The following STK26 variants were observed in gnomAD, a reference collection of about 807,000 sequenced individuals.
STK26 encodes serine/threonine kinase 26.
STK26 carries 14 observed loss-of-function variants against 34.7 expected under a neutral mutation model. That is an observed-to-expected ratio of 0.40 (90% CI 0.27 to 0.63). STK26 has a LOEUF of 0.63. Ranked by LOEUF, STK26 falls within the 30% of genes least tolerant of loss-of-function variation. The pLI is 0.38. For synonymous variants in STK26, 100 were observed against 109.8 expected (o/e 0.91, Z 0.56); for missense variants, 226 against 309.1 (o/e 0.73, Z 2.02).
At chrX:132,025,515 G>T (rs1935080300) in intron 2 of STK26, among the ~76,000 whole-genome samples, 2 of 111,529 alleles carry the variant, frequency 1.8e-5, no homozygotes, top group African/African-American at 6.5e-5. Context: ...AATTAATGTG[G>T]ATTCGAATGT....
chrX:132,036,324 G>A (rs748855122), intron 2 of STK26, among the ~76,000 whole-genome samples: 7 of 112,596 alleles, frequency 6.2e-5, no homozygotes, highest in Admixed American at 1.9e-4. Context: ...GCTGGGCTCC[G>A]TGGCTCACGC....
At chrX:132,049,295 C>T (rs1195465068) in intron 2 of STK26, among the ~76,000 whole-genome samples, 1 of 111,929 alleles carries the variant, frequency 8.9e-6, no homozygotes, top group East Asian at 2.8e-4. Context: ...GCCTAAATCT[C>T]CTTTTTTTTA....
intron 2 of STK26, among the ~76,000 whole-genome samples, chrX:132,034,181 G>GAC (rs2124133934): frequency 9.7e-6 from 1 of 103,312 alleles, no homozygotes; most frequent in East Asian, 3.0e-4. Context: ...GGCCCAAGGG[G>GAC]ACACACACAG....
chrX:132,069,327 A>G (rs1927321828), intron 6 of STK26, 151 bp from the exon 7 acceptor site: 1 of 138,057 alleles, frequency 7.2e-6, no homozygotes, highest in South Asian at 4.2e-4. Flanking sequence ...TTGAGAGACA[A>G]GTACTGTATA....
intron 2 of STK26, among the ~76,000 whole-genome samples, chrX:132,026,036 A>G (rs754428385): frequency 5.6e-4 from 63 of 111,876 alleles, no homozygotes; most frequent in Admixed American, 1.3e-3. Context: ...ACCAGCCTAT[A>G]ACTTTTTAAC....
In STK26 at chrX:132,069,436, T is replaced by C. The variant is rs1602779552; in HGVS notation, c.598-42T>C. 2.8e-5 allele frequency: 4 copies of C among 144,843 alleles called. 2 individuals carry two copies. The highest frequency in any genetic ancestry group is 5.1e-5 in the Non-Finnish European group (4 of 79,126). The allele number at this position is 144,843 out of a possible 1,213,427, so 11.9% of individuals were successfully genotyped here. On this transcript the variant is annotated intron_variant, in intron 6 of 11. Transcript: ENST00000394334. ...ATATATATATATATATATATATATA[T>C]ATATATATATATATATTATTTTCTT...
Position 132,073,011 on chromosome X carries a change from G to A in STK26, c.1144G>A (p.Glu382Lys), listed in dbSNP as rs1469596591. 4 of 1,210,833 alleles carry A rather than the reference G, an allele frequency of 3.3e-6. No homozygotes were observed. The Admixed American group carries it at 6.5e-5, about 20-fold the overall frequency. The change falls in exon 11 of 12, where the codon GAG (glutamate) becomes AAG (lysine). Residue 382 changes from glutamate (E) to lysine (K), a missense_variant. By Grantham distance (56) the Glu-to-Lys change is moderately conservative. Around this residue, in one of 2 missense-constraint regions of STK26, gnomAD observed 126 missense variants for 132.4 expected, o/e 0.95. Transcript: ENST00000394334. The part of the protein sequence containing the change: ...ASRNQAIEEL[E>K]KSIAVAEAAC... ...CAGGAATCAGGCGATTGAAGAACTC[G>A]AGAAAAGTATTGCTGTGGCTGAAGC...
intron 2 of STK26, among the ~76,000 whole-genome samples, chrX:132,031,844 T>C (rs955956898): frequency 3.7e-4 from 41 of 111,903 alleles, no homozygotes; most frequent in African/African-American, 1.3e-3. Flanking sequence ...TCCTATAACA[T>C]AGAGTGATTC....
At chrX:132,044,798 G>GAGATCTATATATATATTTATATATATAT (rs1926431023) in intron 2 of STK26, among the ~76,000 whole-genome samples, 1 of 32,506 alleles carries the variant, frequency 3.1e-5, no homozygotes, top group Non-Finnish European at 5.6e-5. Flanking sequence ...TATATATATA[G>GAGATCTATATATATATTTATATATATAT]AGAGAGATCT....
chrX:132,044,188 A>G (rs1310044122), intron 2 of STK26, among the ~76,000 whole-genome samples: 1 of 111,549 alleles, frequency 9.0e-6, no homozygotes, highest in Non-Finnish European at 1.9e-5. Context: ...TACTGTGAGG[A>G]TAGCTGGCAC....
At chrX:132,069,689 A>G in intron 7 of STK26, 26 bp downstream of exon 7, 1 of 975,159 alleles carries the variant, frequency 1.0e-6, no homozygotes, top group Non-Finnish European at 1.3e-6. Flanking sequence ...TATTATTACT[A>G]TTTGTTTTCT....
intron 3 of STK26, among the ~76,000 whole-genome samples, chrX:132,059,903 A>G (rs1217420666): frequency 3.6e-5 from 4 of 112,106 alleles, no homozygotes; most frequent in South Asian, 3.7e-4. Flanking sequence ...TGTATGCTCA[A>G]TGCCTCTGGA....
intron 6 of STK26, among the ~76,000 whole-genome samples, chrX:132,069,057 C>G (rs183157114): frequency 9.1e-6 from 1 of 110,140 alleles, no homozygotes; most frequent in African/African-American, 3.3e-5. Context: ...TTGCAACACC[C>G]TTCCCCCCAT....
intron 4 of STK26, among the ~76,000 whole-genome samples, chrX:132,064,951 A>G (rs1038610562): frequency 8.9e-6 from 1 of 111,918 alleles, no homozygotes; most frequent in Non-Finnish European, 1.9e-5. Flanking sequence ...AAATGACTAT[A>G]AGAGATTTTC....
At chrX:132,039,569 G>A (rs193266982) in intron 2 of STK26, among the ~76,000 whole-genome samples, 6 of 111,482 alleles carry the variant, frequency 5.4e-5, no homozygotes, top group African/African-American at 9.8e-5. Context: ...CAGCATACAC[G>A]CAACATTTTA....
At position 132,072,418 on chromosome X, in the gene STK26, A is replaced by G. The variant is rs1927445192; in HGVS notation, c.1026+57A>G. ...ATACAGTTTTTCAAACCATGTAGTG[A>G]GATGATAATGGCCTAAAATTGTTAG... is the stretch of plus-strand genomic sequence containing the variant. On this transcript the variant is annotated intron_variant, in intron 9 of 11. Transcript: ENST00000394334. 7 of 1,005,472 alleles carry G rather than the reference A, an allele frequency of 7.0e-6. No individual in the cohort carries two copies. In the East Asian group the frequency reaches 2.2e-4, roughly 32 times the overall value. 82.9% of individuals were successfully genotyped at this position (1,005,472 alleles called of 1,213,427 possible). A position where few individuals can be genotyped will look rare whatever the true frequency, so the allele number is the denominator to read the frequency against.
At chrX:132,064,332 C>A (rs1196934927) in intron 4 of STK26, among the ~76,000 whole-genome samples, 1 of 111,770 alleles carries the variant, frequency 8.9e-6, no homozygotes, top group Non-Finnish European at 1.9e-5. Context: ...TGGGTTGTCA[C>A]AATGACTTAG....
Position 132,068,201 on chromosome X carries a change from T to A in STK26, c.331-14T>A. 1 of 1,167,826 alleles carries A rather than the reference T, an allele frequency of 8.6e-7. No homozygotes were observed. Among genetic ancestry groups the A allele is most frequent in the African/African-American group, 1.8e-5 (1 of 55,614 alleles). ...ACACATATGTGTATGTGTGTGTGTG[T>A]TTTTCCCCTTAAGCTTCGAGCTGGT... is the stretch of plus-strand genomic sequence containing the variant. On this transcript the variant is annotated splice_polypyrimidine_tract_variant and intron_variant, in intron 4 of 11. Coordinates refer to ENST00000394334, the MANE Select transcript of STK26 (RefSeq NM_016542.4).
Position 132,072,832 on chromosome X carries a change from C to A in STK26, c.1046C>A (p.Thr349Asn). The A allele has an allele frequency of 2.5e-6, 3 of 1,210,511 alleles. No homozygotes were observed. Among genetic ancestry groups the A allele is most frequent in the Non-Finnish European group, 2.2e-6 (2 of 894,487 alleles). ...QNGAEQDLVQ[T>N]LSCLSMIITP... ...TCAAAGGAGCAAGATCTTGTGCAAACCCTGAGTTGTTTGTCTATGATAATC... is the reference window on the plus strand; with the variant it reads ...TCAAAGGAGCAAGATCTTGTGCAAAACCTGAGTTGTTTGTCTATGATAATC... The change falls in exon 10 of 12, where the codon ACC becomes AAC. Residue 349 changes from threonine (T) to asparagine (N), a missense_variant. By Grantham distance (65) the Thr-to-Asn change is moderately conservative. Around this residue, in one of 2 missense-constraint regions of STK26, gnomAD observed 126 missense variants for 132.4 expected, o/e 0.95. Transcript: ENST00000394334.
Sources: allele counts gnomAD v4.1 joint callset (sites outside exome capture counted in the v4.1 genomes callset), GRCh38; gene constraint gnomAD v4.1.1; regional missense constraint gnomAD v4.1.1; transcripts MANE v1.5; gene names NCBI Gene and HGNC (gene_info 2026-07-23, HGNC 2026-07-21).